The following KCTD16 variants were observed in gnomAD, a reference collection of about 807,000 sequenced individuals.
The protein encoded by KCTD16 is BTB/POZ domain-containing protein KCTD16.
A neutral mutation model predicts 33.2 loss-of-function variants in KCTD16; 13 were observed. The observed-to-expected ratio is 0.39, with a 90% CI of 0.25 to 0.62. KCTD16 has a LOEUF of 0.62. Ranked by LOEUF, KCTD16 falls within the 20% of genes least tolerant of loss-of-function variation. KCTD16 has a pLI of 0.50. For missense variants in KCTD16, 441 were observed against 525.1 expected, an observed-to-expected ratio of 0.84 and a Z score of 1.57; for synonymous variants, 197 against 195.3, an observed-to-expected ratio of 1.01 and a Z score of -0.07.
At chr5:144,344,998 A>G (rs1752751468) in intron 3 of KCTD16, among the ~76,000 whole-genome samples, 1 of 151,868 alleles carries the variant, frequency 6.6e-6, no homozygotes, top group African/African-American at 2.4e-5. Flanking sequence ...AATGTGGCAC[A>G]TATACACCAT....
At chr5:144,206,253 T>A (rs73310758) in intron 2 of KCTD16, 136 bp from the exon 3 acceptor site, 1,664 of 157,116 alleles carry the variant, frequency 0.011, 26 homozygotes, top group African/African-American at 0.037. Flanking sequence ...AGATCAGTAG[T>A]TCCAGAGCTG....
intron 3 of KCTD16, among the ~76,000 whole-genome samples, chr5:144,288,947 C>T (rs1311152329): frequency 2.6e-5 from 4 of 152,072 alleles, no homozygotes; most frequent in South Asian, 4.1e-4. Flanking sequence ...ACCCGGGAGG[C>T]GGAGGTTGCA....
chr5:144,399,934 A>G lies in KCTD16; in HGVS notation c.833-73726A>G, dbSNP rs146900103. Among the ~76,000 whole-genome samples, 395 of 152,216 alleles carry G rather than the reference A, an allele frequency of 2.6e-3. 2 individuals are homozygous for G. Among genetic ancestry groups the G allele is most frequent in the African/African-American group, 8.8e-3 (364 of 41,506 alleles). ...TATAAAATTTGAATTTAAATCCTCA[A>G]TTGTTTCAGAATTTTCTTTAAGTTA... is the stretch of plus-strand genomic sequence containing the variant. On this transcript the variant is annotated intron_variant, in intron 3 of 3. Coordinates refer to ENST00000512467, the MANE Select transcript of KCTD16 (RefSeq NM_020768.4).
At chr5:144,461,478 C>T (rs1310651384) in intron 3 of KCTD16, among the ~76,000 whole-genome samples, 2 of 152,194 alleles carry the variant, frequency 1.3e-5, no homozygotes, top group African/African-American at 2.4e-5. Flanking sequence ...ACTTCTACCT[C>T]CTGAGTGCTG....
intron 3 of KCTD16, among the ~76,000 whole-genome samples, chr5:144,307,282 A>G (rs1751627843): frequency 6.6e-6 from 1 of 152,198 alleles, no homozygotes; most frequent in South Asian, 2.1e-4. Context: ...TCCTTGAGTT[A>G]TCATCGTATA....
At chr5:144,442,720 A>G (rs1753740544) in intron 3 of KCTD16, among the ~76,000 whole-genome samples, 1 of 152,114 alleles carries the variant, frequency 6.6e-6, no homozygotes, top group East Asian at 1.9e-4. Context: ...ACTCTTAGGT[A>G]TCAAACTCTC....
At position 144,194,733 on chromosome 5, in the gene KCTD16, G is replaced by A. The variant is rs1341317484; in HGVS notation, c.-326-11656G>A. ...TGAGAAAACTGTGGCTCAGATGTAT[G>A]TAACTTTTTCAGCTGGTAAACAATG... On this transcript the variant is annotated intron_variant, in intron 2 of 3. Coordinates refer to ENST00000512467, the MANE Select transcript of KCTD16 (RefSeq NM_020768.4). Among the ~76,000 whole-genome samples the A allele has an allele frequency of 2.6e-5, 4 of 152,254 alleles. No individual in the cohort carries two copies. In the East Asian group the frequency reaches 7.7e-4, roughly 29 times the overall value.
chr5:144,436,896 T>G (rs1050105685), intron 3 of KCTD16, among the ~76,000 whole-genome samples: 5 of 152,086 alleles, frequency 3.3e-5, no homozygotes, highest in Non-Finnish European at 7.4e-5. Flanking sequence ...GAAGCAAAAG[T>G]GTTTTACTTT....
intron 2 of KCTD16, among the ~76,000 whole-genome samples, chr5:144,204,747 G>C (rs999351673): frequency 1.3e-5 from 2 of 152,072 alleles, no homozygotes; most frequent in African/African-American, 4.8e-5. Context: ...ATTTCAGAGA[G>C]AGTGTTTATG....
intron 3 of KCTD16, among the ~76,000 whole-genome samples, chr5:144,366,962 T>G (rs1208814202): frequency 6.6e-6 from 1 of 152,210 alleles, no homozygotes; most frequent in African/African-American, 2.4e-5. Flanking sequence ...AATGTCTAGC[T>G]GGCTCATGGC....
chr5:144,438,971 C>CAT (rs1753639933), intron 3 of KCTD16, among the ~76,000 whole-genome samples: 1 of 152,084 alleles, frequency 6.6e-6, no homozygotes, highest in South Asian at 2.1e-4. Flanking sequence ...TTGGAAGATT[C>CAT]ATATATATTC....
chr5:144,323,598 C>T (rs1040685735), intron 3 of KCTD16, among the ~76,000 whole-genome samples: 1 of 152,160 alleles, frequency 6.6e-6, no homozygotes, highest in East Asian at 1.9e-4. Context: ...GGCAGCTGAC[C>T]TCAGTCCTTG....
At chr5:144,275,976 A>G (rs1416703704) in intron 3 of KCTD16, among the ~76,000 whole-genome samples, 1 of 152,186 alleles carries the variant, frequency 6.6e-6, no homozygotes, top group African/African-American at 2.4e-5. Context: ...TGCCTTTAGG[A>G]CTTTTCAAAG....
intron 3 of KCTD16, among the ~76,000 whole-genome samples, chr5:144,371,066 G>A (rs1471187731): frequency 6.6e-6 from 1 of 151,942 alleles, no homozygotes; most frequent in African/African-American, 2.4e-5. Flanking sequence ...TCTGGTTCTG[G>A]CTACTCCCAC....
intron 3 of KCTD16, among the ~76,000 whole-genome samples, chr5:144,418,327 C>G (rs1258765746): frequency 9.2e-5 from 14 of 152,132 alleles, no homozygotes; most frequent in Admixed American, 7.9e-4. Context: ...TTATTTGGCC[C>G]CACCCACATC....
chr5:144,237,752 C>A (rs1754293126), intron 3 of KCTD16, among the ~76,000 whole-genome samples: 1 of 152,074 alleles, frequency 6.6e-6, no homozygotes, highest in African/African-American at 2.4e-5. Context: ...ATGTTCTCCT[C>A]CTACCCTCCA....
At chr5:144,279,997 C>T (rs1173264423) in intron 3 of KCTD16, among the ~76,000 whole-genome samples, 3 of 152,116 alleles carry the variant, frequency 2.0e-5, no homozygotes, top group Non-Finnish European at 4.4e-5. Flanking sequence ...TGGATCTGCC[C>T]TGCATTCCTG....
intron 3 of KCTD16, among the ~76,000 whole-genome samples, chr5:144,287,267 C>A (rs62403168): frequency 0.21 from 32,548 of 151,930 alleles, 3,937 homozygotes; most frequent in Non-Finnish European, 0.28. Context: ...ACAGGCCTGC[C>A]TTAATGATCT....
At chr5:144,236,758 G>A (rs1754265751) in intron 3 of KCTD16, among the ~76,000 whole-genome samples, 1 of 152,114 alleles carries the variant, frequency 6.6e-6, no homozygotes, top group East Asian at 1.9e-4. Flanking sequence ...GGTATCATGG[G>A]ATAAACATTG....
Sources: allele counts gnomAD v4.1 joint callset (sites outside exome capture counted in the v4.1 genomes callset), GRCh38; gene constraint gnomAD v4.1.1; transcripts MANE v1.5; gene names NCBI Gene and HGNC (gene_info 2026-07-23, HGNC 2026-07-21).